NRG1: variants seen among roughly 807,000 people sequenced by gnomAD.
The protein encoded by NRG1 is pro-neuregulin-1, membrane-bound isoform.
Under a neutral mutation model 63.8 loss-of-function variants are expected in NRG1, and 18 were observed. That is an observed-to-expected ratio of 0.28 (90% CI 0.19 to 0.42). NRG1 has a LOEUF of 0.42. NRG1 is among the 10% of genes least tolerant of loss of function. The pLI is 1.00. For synonymous variants in NRG1, 302 were observed against 301.3 expected (o/e 1.00, Z -0.02); for missense variants, 762 against 814.7 (o/e 0.94, Z 0.79).
intron 6 of NRG1, chr8:32,728,659 T>G: frequency 1.0e-6 from 1 of 984,806 alleles, no homozygotes; most frequent in Non-Finnish European, 1.2e-6. Flanking sequence ...TGGAAATACA[T>G]TGTATGTAGC....
chr8:31,823,913 A>G (rs1400196542), intron 1 of NRG1, among the ~76,000 whole-genome samples: 1 of 152,192 alleles, frequency 6.6e-6, no homozygotes, highest in Admixed American at 6.5e-5. Context: ...GCTTCTGAAT[A>G]CAACAGCTAT....
intron 1 of NRG1, among the ~76,000 whole-genome samples, chr8:32,260,192 T>C (rs759920553): frequency 2.6e-5 from 4 of 152,116 alleles, no homozygotes; most frequent in Non-Finnish European, 5.9e-5. Context: ...CATGCTGGTT[T>C]TAGTAGGAAA....
At chr8:32,721,285 A>G (rs1447914554) in intron 5 of NRG1, among the ~76,000 whole-genome samples, 1 of 152,204 alleles carries the variant, frequency 6.6e-6, no homozygotes, top group African/African-American at 2.4e-5. Flanking sequence ...CTATCATTCT[A>G]TATATGTTTG....
At chr8:32,545,695 A>C (rs1411222650), upstream of NRG1, among the ~76,000 whole-genome samples, 1 of 152,224 alleles carries the variant, frequency 6.6e-6, no homozygotes, top group East Asian at 1.9e-4. Context: ...GGCCATAAAT[A>C]ATGTAATAAA....
chr8:32,768,540 G>T (rs922954992), downstream of NRG1, among the ~76,000 whole-genome samples: 2 of 152,112 alleles, frequency 1.3e-5, no homozygotes, highest in African/African-American at 4.8e-5. Context: ...CCCTTATTCT[G>T]TCAATAAAAC....
At chr8:32,590,980 A>G (rs1842427544) in intron 1 of NRG1, among the ~76,000 whole-genome samples, 2 of 152,198 alleles carry the variant, frequency 1.3e-5, no homozygotes, top group African/African-American at 2.4e-5. Context: ...TGTCCTTGAT[A>G]CTTGAATTTG....
intron 1 of NRG1, among the ~76,000 whole-genome samples, chr8:32,045,130 A>G (rs1374706638): frequency 6.6e-6 from 1 of 151,916 alleles, no homozygotes; most frequent in East Asian, 1.9e-4. Flanking sequence ...AATCACCACT[A>G]CTGACACCAT....
chr8:32,060,182 T>C (rs1242614441), intron 1 of NRG1, among the ~76,000 whole-genome samples: 4 of 151,980 alleles, frequency 2.6e-5, no homozygotes, highest in African/African-American at 9.7e-5. Flanking sequence ...CTTGCCTGTC[T>C]TAGTCTTTAT....
At chr8:32,212,513 A>C (rs1188891110) in intron 1 of NRG1, among the ~76,000 whole-genome samples, 1 of 152,204 alleles carries the variant, frequency 6.6e-6, no homozygotes, top group Admixed American at 6.5e-5. Flanking sequence ...ATAAACAGCC[A>C]CATGTGGTCA....
At chr8:31,839,813 C>T (rs1035998992) in intron 1 of NRG1, among the ~76,000 whole-genome samples, 3 of 152,146 alleles carry the variant, frequency 2.0e-5, no homozygotes, top group African/African-American at 7.2e-5. Flanking sequence ...TTTCCACTCG[C>T]TGGGCTCAGT....
intron 1 of NRG1, among the ~76,000 whole-genome samples, chr8:32,578,317 A>C (rs912809961): frequency 6.6e-6 from 1 of 152,118 alleles, no homozygotes; most frequent in Non-Finnish European, 1.5e-5. Flanking sequence ...TAAGATCTTC[A>C]TGTGTTATAA....
intron 1 of NRG1, among the ~76,000 whole-genome samples, chr8:31,863,540 G>C (rs2129610684): frequency 6.6e-6 from 1 of 152,252 alleles, no homozygotes; most frequent in Non-Finnish European, 1.5e-5. Flanking sequence ...ATGTGTCTCA[G>C]GGTGGTAAAA....
At chr8:31,993,968 TAG>T (rs1811501857) in intron 1 of NRG1, among the ~76,000 whole-genome samples, 1 of 151,896 alleles carries the variant, frequency 6.6e-6, no homozygotes. Flanking sequence ...ACACCAAACA[TAG>T]AGTTTCCAAT....
In NRG1 at chr8:32,313,434, C is replaced by A. The variant is rs116718183; in HGVS notation, c.38-282394C>A. ...AAGAAATTAGGTGCATTATAAATAA[C>A]GAGTCCTCTGAAAATGCCGAAGTGT... On this transcript the variant is annotated intron_variant, in intron 1 of 10. Coordinates refer to the NRG1 transcript ENST00000519301. 2.7e-3 allele frequency among the ~76,000 whole-genome samples: 407 copies of A among 152,126 alleles called. 2 individuals carry two copies. Among genetic ancestry groups the A allele is most frequent in the African/African-American group, 9.5e-3 (396 of 41,492 alleles).
chr8:32,508,238 C>A (rs1483673492), intron 1 of NRG1, among the ~76,000 whole-genome samples: 2 of 151,942 alleles, frequency 1.3e-5, no homozygotes, highest in African/African-American at 4.8e-5. Context: ...TATAGTGAGG[C>A]CCTGTAGAGA....
At chr8:32,664,408 A>G (rs1039669817) in intron 5 of NRG1, among the ~76,000 whole-genome samples, 1 of 152,022 alleles carries the variant, frequency 6.6e-6, no homozygotes, top group Non-Finnish European at 1.5e-5. Flanking sequence ...TATGATTCTG[A>G]TGGGTGTGGT....
chr8:32,726,058 G>A (rs1822097512), intron 5 of NRG1, among the ~76,000 whole-genome samples: 1 of 151,962 alleles, frequency 6.6e-6, no homozygotes, highest in Non-Finnish European at 1.5e-5. Flanking sequence ...TGTAAGCCTG[G>A]AAAAGATGCC....
At chr8:32,679,862 A>G (rs1282050647) in intron 5 of NRG1, among the ~76,000 whole-genome samples, 1 of 152,200 alleles carries the variant, frequency 6.6e-6, no homozygotes, top group Non-Finnish European at 1.5e-5. Flanking sequence ...GCACTTACAA[A>G]TATGTTTATC....
At chr8:32,668,569 T>C (rs1327527142) in intron 5 of NRG1, among the ~76,000 whole-genome samples, 2 of 152,206 alleles carry the variant, frequency 1.3e-5, no homozygotes, top group Non-Finnish European at 2.9e-5. Context: ...CTTGGAACTG[T>C]TTCTTGCTTC....
Sources: allele counts gnomAD v4.1 joint callset (sites outside exome capture counted in the v4.1 genomes callset), GRCh38; gene constraint gnomAD v4.1.1; transcripts MANE v1.5; gene names NCBI Gene and HGNC (gene_info 2026-07-23, HGNC 2026-07-21).